Variants in HTR2C observed in about 807,000 individuals in gnomAD.
HTR2C encodes the protein 5-hydroxytryptamine (serotonin) receptor 2C, G protein-coupled.
HTR2C carries 5 observed loss-of-function variants against 21.0 expected under a neutral mutation model. The ratio of observed to expected loss-of-function variants is 0.24; its 90% confidence interval spans 0.12 to 0.50. The LOEUF is 0.50. HTR2C is among the 20% of genes least tolerant of loss of function. HTR2C has a pLI of 0.98. For missense variants in HTR2C, 271 were observed against 371.2 expected (o/e 0.73, Z 2.22); for synonymous variants, 150 against 145.3 (o/e 1.03, Z -0.23).
chrX:114,817,212 G>A (rs1556454829), intron 4 of HTR2C, among the ~76,000 whole-genome samples: 1 of 111,115 alleles, frequency 9.0e-6, no homozygotes, highest in Non-Finnish European at 1.9e-5. Flanking sequence ...ACTGGAAAAT[G>A]AATAGAAATG....
intron 2 of HTR2C, among the ~76,000 whole-genome samples, chrX:114,619,440 C>T (rs1278184983): frequency 9.0e-6 from 1 of 111,588 alleles, no homozygotes. Flanking sequence ...ACAACCTGAT[C>T]TGGTTCCTCT....
intron 2 of HTR2C, among the ~76,000 whole-genome samples, chrX:114,670,908 A>G (rs1556411607): frequency 8.9e-6 from 1 of 112,056 alleles, no homozygotes; most frequent in Non-Finnish European, 1.9e-5. Flanking sequence ...TTAGCTGAAG[A>G]AAAGACCTGA....
chrX:114,654,456 T>G (rs1248947831), intron 2 of HTR2C, among the ~76,000 whole-genome samples: 7 of 110,043 alleles, frequency 6.4e-5, no homozygotes, highest in African/African-American at 2.3e-4. Context: ...TAATGATATA[T>G]TTTGAAGAGT....
At chrX:114,725,278 A>G (rs1362509707) in intron 2 of HTR2C, among the ~76,000 whole-genome samples, 1 of 110,666 alleles carries the variant, frequency 9.0e-6, no homozygotes, top group African/African-American at 3.3e-5. Flanking sequence ...ATCTTCCATC[A>G]CTGATACCCT....
intron 2 of HTR2C, among the ~76,000 whole-genome samples, chrX:114,680,091 A>G (rs1307366396): frequency 1.8e-5 from 2 of 112,424 alleles, no homozygotes; most frequent in African/African-American, 3.2e-5. Context: ...TGACCAAAAT[A>G]ACAGAAAGGA....
intron 4 of HTR2C, among the ~76,000 whole-genome samples, chrX:114,739,436 A>G (rs917613726): frequency 3.6e-5 from 4 of 112,009 alleles, no homozygotes; most frequent in South Asian, 7.3e-4. Flanking sequence ...AGCAGGATGT[A>G]ACATTAGCAT....
chrX:114,817,155 GTGTC>G (rs2070592861), intron 4 of HTR2C, among the ~76,000 whole-genome samples: 1 of 109,139 alleles, frequency 9.2e-6, no homozygotes, highest in African/African-American at 3.5e-5. Flanking sequence ...ATCATAAAAT[GTGTC>G]TGTAGGTTTT....
chrX:114,644,637 A>G (rs1377498091), intron 2 of HTR2C, among the ~76,000 whole-genome samples: 1 of 107,074 alleles, frequency 9.3e-6, no homozygotes, highest in Non-Finnish European at 1.9e-5. Context: ...CATATCACCT[A>G]CTTATGGGAT....
At chrX:114,902,357 CT>C (rs1373415341) in intron 5 of HTR2C, among the ~76,000 whole-genome samples, 1 of 110,751 alleles carries the variant, frequency 9.0e-6, no homozygotes, top group Non-Finnish European at 1.9e-5. Flanking sequence ...GTCAGGACCC[CT>C]TTATACTCTT....
At chrX:114,604,799 C>T (rs782306744) in intron 1 of HTR2C, among the ~76,000 whole-genome samples, 2 of 111,373 alleles carry the variant, frequency 1.8e-5, no homozygotes, top group South Asian at 3.8e-4. Flanking sequence ...GGAGGAATGC[C>T]TGGCCGCTGC....
intron 4 of HTR2C, among the ~76,000 whole-genome samples, chrX:114,843,280 A>C (rs1475441989): frequency 1.8e-5 from 2 of 111,680 alleles, no homozygotes; most frequent in South Asian, 3.7e-4. Flanking sequence ...TAAAGGGATA[A>C]AATTGTAAAC....
chrX:114,750,351 A>G (rs1462824399), intron 4 of HTR2C, among the ~76,000 whole-genome samples: 3 of 112,203 alleles, frequency 2.7e-5, no homozygotes, highest in Admixed American at 9.5e-5. Flanking sequence ...GAGGTATCAC[A>G]TTTAATCTGT....
At chrX:114,655,757 C>T (rs782110663) in intron 2 of HTR2C, among the ~76,000 whole-genome samples, 6 of 110,768 alleles carry the variant, frequency 5.4e-5, no homozygotes, top group South Asian at 3.8e-4. Context: ...TGGATTCCTT[C>T]GGAACATATT....
chrX:114,874,238 A>G (rs2071114610), intron 5 of HTR2C, among the ~76,000 whole-genome samples: 1 of 110,995 alleles, frequency 9.0e-6, no homozygotes, highest in Non-Finnish European at 1.9e-5. Flanking sequence ...TAGTGCATCA[A>G]TAAACATGGG....
At chrX:114,621,560 A>G (rs1232983112) in intron 2 of HTR2C, among the ~76,000 whole-genome samples, 3 of 112,091 alleles carry the variant, frequency 2.7e-5, no homozygotes, top group African/African-American at 6.5e-5. Flanking sequence ...CCACCCTGCT[A>G]TGGTATAAGA....
chrX:114,813,107 G>A (rs920354175), intron 4 of HTR2C, among the ~76,000 whole-genome samples: 5 of 111,185 alleles, frequency 4.5e-5, no homozygotes, highest in Admixed American at 1.9e-4. Context: ...ATCTACCCCC[G>A]CAATAAAATC....
chrX:114,713,377 A>G (rs1284295009), intron 2 of HTR2C, among the ~76,000 whole-genome samples: 2 of 111,853 alleles, frequency 1.8e-5, no homozygotes, highest in East Asian at 5.6e-4. Flanking sequence ...AATTTTATTT[A>G]TAGTCTCAGA....
intron 5 of HTR2C, among the ~76,000 whole-genome samples, chrX:114,882,572 GT>G (rs1399792630): frequency 9.0e-6 from 1 of 110,706 alleles, no homozygotes; most frequent in Non-Finnish European, 1.9e-5. Flanking sequence ...TGTTTAAAAT[GT>G]TTTTTCTGTA....
chrX:114,694,334 A>G (rs1349294809), intron 2 of HTR2C, among the ~76,000 whole-genome samples: 2 of 108,896 alleles, frequency 1.8e-5, no homozygotes, highest in Admixed American at 9.8e-5. Context: ...TGTTATTACA[A>G]TTAATATTTC....
Sources: allele counts gnomAD v4.1 joint callset (sites outside exome capture counted in the v4.1 genomes callset), GRCh38; gene constraint gnomAD v4.1.1; transcripts MANE v1.5; gene names NCBI Gene and HGNC (gene_info 2026-07-23, HGNC 2026-07-21).